MSRA: variants seen among roughly 807,000 people sequenced by gnomAD.
MSRA encodes mitochondrial peptide methionine sulfoxide reductase.
A neutral mutation model predicts 31.3 loss-of-function variants in MSRA; 54 were observed. That is an observed-to-expected ratio of 1.73 (90% CI 1.39 to 2.17). The LOEUF (loss-of-function observed/expected upper bound fraction) is 2.17. Among genes scored for constraint, MSRA ranks in the 30% most tolerant of loss-of-function variants. The pLI is 0.00. For synonymous variants in MSRA, 169 were observed against 116.5 expected (o/e 1.45, Z -2.90); for missense variants, 507 against 300.9 (o/e 1.69, Z -5.07).
chr8:10,187,898 G>A lies in MSRA; in HGVS notation c.143-19935G>A, dbSNP rs562828542. Among the ~76,000 whole-genome samples, 298 of 152,212 alleles carry A rather than the reference G, an allele frequency of 2.0e-3. 2 individuals carry two copies. The highest frequency in any genetic ancestry group is 1.9e-3 in the Non-Finnish European group (130 of 68,002). ...ATACATGTAGACTATAAATTCATGG[G>A]ATTTAATTTAATGAACAGGTTCCTG... On this transcript the variant is annotated intron_variant, in intron 1 of 5. Coordinates refer to ENST00000317173, the MANE Select transcript of MSRA (RefSeq NM_012331.5).
At chr8:10,157,573 T>C (rs1485775329) in intron 1 of MSRA, among the ~76,000 whole-genome samples, 1 of 152,064 alleles carries the variant, frequency 6.6e-6, no homozygotes, top group African/African-American at 2.4e-5. Flanking sequence ...TAGGCAATGT[T>C]AGGGCTTCCA....
At chr8:10,427,245 C>T (rs796774220) in intron 5 of MSRA, among the ~76,000 whole-genome samples, 49 of 152,278 alleles carry the variant, frequency 3.2e-4, no homozygotes, top group African/African-American at 1.1e-3. Context: ...TGCTCACATG[C>T]TTCAAGCAGC....
intron 3 of MSRA, among the ~76,000 whole-genome samples, chr8:10,283,836 T>TATATACACACACACAC (rs1261287031): frequency 4.9e-4 from 26 of 53,152 alleles, no homozygotes; most frequent in African/African-American, 1.1e-3. Flanking sequence ...TATATATATA[T>TATATACACACACACAC]ACACACACAC....
intron 1 of MSRA, among the ~76,000 whole-genome samples, chr8:10,117,866 T>G (rs188248920): frequency 5.3e-5 from 8 of 152,354 alleles, no homozygotes; most frequent in African/African-American, 1.9e-4. Flanking sequence ...ATTACTGTGA[T>G]GAAGAAAAAT....
intron 1 of MSRA, among the ~76,000 whole-genome samples, chr8:10,169,955 A>C (rs1424218968): frequency 3.8e-5 from 5 of 132,782 alleles, no homozygotes; most frequent in African/African-American, 1.2e-4. Flanking sequence ...CACTCTTGTC[A>C]CCCAGGCTAG....
intron 2 of MSRA, among the ~76,000 whole-genome samples, chr8:10,238,943 CATAAG>C (rs1459780732): frequency 6.6e-6 from 1 of 151,912 alleles, no homozygotes; most frequent in Non-Finnish European, 1.5e-5. Flanking sequence ...TGACAATAGA[CATAAG>C]TGAAGGGAAA....
At chr8:10,378,253 C>A (rs1805863357) in intron 5 of MSRA, among the ~76,000 whole-genome samples, 1 of 152,158 alleles carries the variant, frequency 6.6e-6, no homozygotes, top group South Asian at 2.1e-4. Context: ...ACCTCTGGGT[C>A]CCTGTGGTGC....
chr8:10,127,362 C>G (rs929607979), intron 1 of MSRA, among the ~76,000 whole-genome samples: 1 of 152,164 alleles, frequency 6.6e-6, no homozygotes, highest in Non-Finnish European at 1.5e-5. Flanking sequence ...CTTCTTTTTA[C>G]AGTGTGTGGC....
intron 3 of MSRA, among the ~76,000 whole-genome samples, chr8:10,283,286 T>C (rs1308072151): frequency 1.3e-5 from 2 of 152,144 alleles, no homozygotes; most frequent in Non-Finnish European, 2.9e-5. Context: ...CATTTTGTCA[T>C]ATAAAAATTG....
intron 3 of MSRA, among the ~76,000 whole-genome samples, chr8:10,253,410 G>A (rs569685781): frequency 6.6e-5 from 10 of 152,186 alleles, no homozygotes; most frequent in South Asian, 2.1e-4. Flanking sequence ...CAGGTGCAGC[G>A]GTCAAAGGTC....
chr8:10,276,152 A>G (rs1026853244), intron 3 of MSRA, among the ~76,000 whole-genome samples: 3 of 151,930 alleles, frequency 2.0e-5, no homozygotes, highest in Admixed American at 2.0e-4. Context: ...GGTGGTGGCT[A>G]CTCTGTTTCT....
intron 1 of MSRA, among the ~76,000 whole-genome samples, chr8:10,069,672 A>G (rs922950576): frequency 3.3e-5 from 5 of 152,164 alleles, no homozygotes; most frequent in Admixed American, 3.3e-4. Context: ...TAAGGGCTTT[A>G]TTCTCATCCA....
chr8:10,400,458 T>C (rs1415039722), intron 5 of MSRA, among the ~76,000 whole-genome samples: 1 of 151,816 alleles, frequency 6.6e-6, no homozygotes, highest in Non-Finnish European at 1.5e-5. Context: ...GCCTATTGAC[T>C]CCCCATGTGA....
intron 5 of MSRA, among the ~76,000 whole-genome samples, chr8:10,399,777 G>A (rs1457771788): frequency 6.6e-6 from 1 of 152,206 alleles, no homozygotes; most frequent in South Asian, 2.1e-4. Context: ...CGGCAGTGGA[G>A]GTGGTTATGG....
At chr8:10,334,097 C>T (rs1270598152) in intron 5 of MSRA, among the ~76,000 whole-genome samples, 5 of 151,440 alleles carry the variant, frequency 3.3e-5, no homozygotes, top group Non-Finnish European at 7.4e-5. Context: ...AAAAAAGGCC[C>T]CAGCGCCTAC....
At position 10,249,679 on chromosome 8, in the gene MSRA, ATC is replaced by A. The variant is rs1271070317; in HGVS notation, c.331+4461_331+4462del. 3.3e-5 allele frequency among the ~76,000 whole-genome samples: 5 copies of A among 152,256 alleles called. No individual in the cohort carries two copies. In the East Asian group the frequency reaches 7.7e-4, roughly 24 times the overall value. On this transcript the variant is annotated intron_variant, in intron 3 of 5. Transcript: ENST00000317173. The stretch of plus-strand genomic sequence containing the variant: ...AGTCTTGGCTGGGACACAGGGTAGC[ATC>A]TCTCATGGCCAGCAGACCTCTGTTG...
At chr8:10,164,266 C>G (rs1804925304) in intron 1 of MSRA, among the ~76,000 whole-genome samples, 1 of 152,198 alleles carries the variant, frequency 6.6e-6, no homozygotes, top group Non-Finnish European at 1.5e-5. Flanking sequence ...GACCTCATTT[C>G]TTGATTAAAA....
chr8:10,377,896 G>T (rs1259436440), intron 5 of MSRA, among the ~76,000 whole-genome samples: 3 of 152,238 alleles, frequency 2.0e-5, no homozygotes, highest in South Asian at 4.1e-4. Flanking sequence ...CTCCCTGGCA[G>T]TGCAGGCCCC....
chr8:10,291,083 C>A (rs946902245), intron 3 of MSRA, among the ~76,000 whole-genome samples: 1 of 152,216 alleles, frequency 6.6e-6, no homozygotes, highest in Admixed American at 6.5e-5. Context: ...TAGTTACCTA[C>A]TTCTACGTAC....
Sources: allele counts gnomAD v4.1 joint callset (sites outside exome capture counted in the v4.1 genomes callset), GRCh38; gene constraint gnomAD v4.1.1; transcripts MANE v1.5; gene names NCBI Gene and HGNC (gene_info 2026-07-23, HGNC 2026-07-21).